Variants in BMAL1 observed in about 807,000 individuals in gnomAD.
The protein encoded by BMAL1 is basic helix-loop-helix ARNT like 1.
chr11:13,340,309 G>A, the BMAL1 span, among the ~76,000 whole-genome samples: 1 of 152,158 alleles, frequency 6.6e-6, no homozygotes, highest in Admixed American at 6.5e-5. Context: ...AGCAGCAGCT[G>A]TCACCCTGCT....
the BMAL1 span, among the ~76,000 whole-genome samples, chr11:13,356,520 TTTTG>T: frequency 6.6e-6 from 1 of 152,202 alleles, no homozygotes; most frequent in African/African-American, 2.4e-5. Flanking sequence ...AGATGATAAC[TTTTG>T]TTTGATAACC....
chr11:13,369,339 C>T, the BMAL1 span, among the ~76,000 whole-genome samples: 24 of 152,326 alleles, frequency 1.6e-4, no homozygotes, highest in South Asian at 1.0e-3. Context: ...TAGCCATAAG[C>T]GTCTATTGGG....
chr11:13,284,234 G>A, the BMAL1 span, among the ~76,000 whole-genome samples: 1,291 of 4,196 alleles, frequency 0.31, 106 homozygotes, highest in East Asian at 0.44. Flanking sequence ...ATATGTGTGT[G>A]TATATATATA....
chr11:13,376,818 C>A, the BMAL1 span: 1 of 1,243,298 alleles, frequency 8.0e-7, no homozygotes, highest in Non-Finnish European at 1.1e-6. Flanking sequence ...GGGTCCCCTC[C>A]ATTCATATTC....
the BMAL1 span, chr11:13,375,889 T>G: frequency 1.1e-6 from 1 of 914,566 alleles, no homozygotes. Context: ...CTAATACCTG[T>G]GAAGCCTCAG....
At chr11:13,333,724 G>A in the BMAL1 span, among the ~76,000 whole-genome samples, 1 of 152,210 alleles carries the variant, frequency 6.6e-6, no homozygotes, top group Non-Finnish European at 1.5e-5. Context: ...CCTGCTTTAT[G>A]GACATCTTTG....
chr11:13,334,747 G>A, the BMAL1 span, among the ~76,000 whole-genome samples: 1 of 152,174 alleles, frequency 6.6e-6, no homozygotes, highest in African/African-American at 2.4e-5. Flanking sequence ...ATCCAAAACT[G>A]GGATGTAGGT....
chr11:13,378,387 C>A, the BMAL1 span: 1 of 1,613,144 alleles, frequency 6.2e-7, no homozygotes, highest in Non-Finnish European at 8.5e-7. Context: ...AGGGGGAACC[C>A]GGGCTGGGGC....
chr11:13,357,647 C>T, the BMAL1 span, among the ~76,000 whole-genome samples: 1 of 152,242 alleles, frequency 6.6e-6, no homozygotes, highest in African/African-American at 2.4e-5. This position sits in a 1 kb window ranked among gnomAD's most constrained non-coding sequence, Gnocchi z 4.8. Context: ...TCATGACAGA[C>T]TGATACAGGG....
At chr11:13,360,335 TGCCCCTAAGG>T in the BMAL1 span, 1 of 1,607,810 alleles carries the variant, frequency 6.2e-7, no homozygotes, top group South Asian at 1.1e-5. Context: ...TTTCTCTTTT[TGCCCCTAAGG>T]TGCCACCAAT....
chr11:13,339,824 G>A, the BMAL1 span, among the ~76,000 whole-genome samples: 4 of 152,000 alleles, frequency 2.6e-5, no homozygotes, highest in South Asian at 2.1e-4. Flanking sequence ...TCCAGCACCC[G>A]ACATAACTTA....
the BMAL1 span, among the ~76,000 whole-genome samples, chr11:13,343,675 AACTGAGTGCCTTT>A: frequency 3.9e-5 from 6 of 152,184 alleles, no homozygotes; most frequent in African/African-American, 7.2e-5. Flanking sequence ...TCATTCAGCA[AACTGAGTGCCTTT>A]ACTGAGCTAG....
the BMAL1 span, among the ~76,000 whole-genome samples, chr11:13,373,069 A>G: frequency 6.6e-6 from 1 of 152,242 alleles, no homozygotes; most frequent in Non-Finnish European, 1.5e-5. Flanking sequence ...GAGCTGTCCA[A>G]TAAAATACTC....
the BMAL1 span, among the ~76,000 whole-genome samples, chr11:13,370,214 T>G: frequency 1.3e-5 from 2 of 152,124 alleles, no homozygotes; most frequent in African/African-American, 2.4e-5. Context: ...GACCCCCTGC[T>G]GCTACAGGCT....
chr11:13,383,145 A>C, the BMAL1 span, among the ~76,000 whole-genome samples: 1 of 152,220 alleles, frequency 6.6e-6, no homozygotes, highest in Non-Finnish European at 1.5e-5. Flanking sequence ...TGGAAGGTCC[A>C]AAAATGAACC....
chr11:13,360,003 C>T, the BMAL1 span, among the ~76,000 whole-genome samples: 1 of 152,042 alleles, frequency 6.6e-6, no homozygotes, highest in African/African-American at 2.4e-5. Flanking sequence ...GGAGGGAACT[C>T]TCTGAGGAGC....
the BMAL1 span, chr11:13,326,469 T>C: frequency 6.6e-6 from 1 of 152,176 alleles, no homozygotes; most frequent in Non-Finnish European, 1.5e-5. Flanking sequence ...GGCACTGTGG[T>C]AAGCACTTCA....
chr11:13,310,940 C>T, the BMAL1 span, among the ~76,000 whole-genome samples: 32 of 152,180 alleles, frequency 2.1e-4, no homozygotes, highest in Non-Finnish European at 4.6e-4. Context: ...TGAGGTCTTG[C>T]GGTGAACAGT....
the BMAL1 span, among the ~76,000 whole-genome samples, chr11:13,284,104 G>GTATATATA: frequency 1.1e-4 from 10 of 90,310 alleles, 2 homozygotes; most frequent in African/African-American, 3.5e-4. Context: ...GTGTGTGTGT[G>GTATATATA]TGTGTGTATA....
Sources: allele counts gnomAD v4.1 joint callset (sites outside exome capture counted in the v4.1 genomes callset), GRCh38; gene constraint gnomAD v4.1.1; non-coding constraint Gnocchi (gnomAD v3.1); transcripts MANE v1.5; gene names NCBI Gene and HGNC (gene_info 2026-07-23, HGNC 2026-07-21).